Variants in PTPRD observed in about 807,000 individuals in gnomAD.
PTPRD encodes receptor-type tyrosine-protein phosphatase delta.
A neutral mutation model predicts 214.5 loss-of-function variants in PTPRD; 34 were observed. The observed-to-expected ratio is 0.16, with a 90% CI of 0.12 to 0.21. PTPRD has a LOEUF of 0.21. Ranked by LOEUF, PTPRD falls within the 10% of genes least tolerant of loss-of-function variation. The pLI is 1.00. For synonymous variants in PTPRD, 1,128 were observed against 845.7 expected (o/e 1.33, Z -5.79); for missense variants, 2,545 against 2,398.7 (o/e 1.06, Z -1.27).
chr9:10,036,838 T>C (rs2097192211), intron 3 of PTPRD, among the ~76,000 whole-genome samples: 1 of 151,958 alleles, frequency 6.6e-6, no homozygotes, highest in Non-Finnish European at 1.5e-5. Context: ...CGCCTCGGCC[T>C]CCCAAAGTGC....
intron 8 of PTPRD, among the ~76,000 whole-genome samples, chr9:9,552,103 C>T (rs986242663): frequency 2.6e-5 from 4 of 152,004 alleles, no homozygotes; most frequent in African/African-American, 4.8e-5. Flanking sequence ...AGTCAATATT[C>T]ATTTACTCCT....
In PTPRD at chr9:9,342,787, T is replaced by C. The variant is rs1049591509; in HGVS notation, c.-203+54662A>G. 2.0e-5 allele frequency among the ~76,000 whole-genome samples: 3 copies of C among 152,144 alleles called. No homozygotes were observed. The East Asian group carries it at 5.8e-4, about 29-fold the overall frequency. On this transcript the variant is annotated intron_variant, in intron 9 of 45. Coordinates refer to ENST00000381196, the MANE Select transcript of PTPRD (RefSeq NM_002839.4). Reference sequence around the variant, plus strand: ...CAGGTTTGATAAATAGGTATACACGTGCCATGGTGGTTTGCTGCACCCATC... The same window carrying C: ...CAGGTTTGATAAATAGGTATACACGCGCCATGGTGGTTTGCTGCACCCATC...
At chr9:9,984,900 C>A (rs542180547) in intron 4 of PTPRD, among the ~76,000 whole-genome samples, 1 of 152,044 alleles carries the variant, frequency 6.6e-6, no homozygotes, top group Non-Finnish European at 1.5e-5. Context: ...CATGCACACC[C>A]AAAAACCAAA....
rs2097496904 is a variant in PTPRD at position 8,504,541 on chromosome 9, A to G, written c.1678-136T>C. On this transcript the variant is annotated intron_variant, in intron 22 of 45. Transcript: ENST00000381196. Reference sequence around the variant, plus strand: ...AATATCACCAAAAGAGTCAATAGTGAGTATCCAGGGCTATACTAAGGAAAT... The same window carrying G: ...AATATCACCAAAAGAGTCAATAGTGGGTATCCAGGGCTATACTAAGGAAAT... The G allele has an allele frequency of 3.0e-6, 3 of 990,806 alleles. No homozygotes were observed. In the East Asian group the frequency reaches 7.3e-5, roughly 24 times the overall value. The allele number at this position is 990,806 out of a possible 1,614,324, so 61.4% of individuals were successfully genotyped here.
intron 2 of PTPRD, among the ~76,000 whole-genome samples, chr9:10,604,699 G>A (rs1236669466): frequency 6.6e-6 from 1 of 151,802 alleles, no homozygotes; most frequent in African/African-American, 2.4e-5. Flanking sequence ...CAGAGGAGTT[G>A]CCACTGGAAT....
intron 2 of PTPRD, among the ~76,000 whole-genome samples, chr9:10,364,312 C>T (rs2097468774): frequency 6.6e-6 from 1 of 151,904 alleles, no homozygotes; most frequent in Non-Finnish European, 1.5e-5. Flanking sequence ...ATTACCTCCA[C>T]GTTTTAGGTG....
intron 12 of PTPRD, among the ~76,000 whole-genome samples, chr9:8,676,272 T>C (rs1180382172): frequency 1.3e-5 from 2 of 152,126 alleles, no homozygotes; most frequent in Non-Finnish European, 2.9e-5. Flanking sequence ...CTGAATTCCC[T>C]TCTTACAACT....
intron 12 of PTPRD, among the ~76,000 whole-genome samples, chr9:8,706,982 G>A (rs537420753): frequency 6.6e-6 from 1 of 152,294 alleles, no homozygotes; most frequent in East Asian, 1.9e-4. Flanking sequence ...GGATCAAACA[G>A]AAAAGCACTG....
At chr9:8,547,613 A>G (rs2140486127) in intron 14 of PTPRD, among the ~76,000 whole-genome samples, 1 of 150,656 alleles carries the variant, frequency 6.6e-6, no homozygotes, top group East Asian at 2.0e-4. Flanking sequence ...ACCGCACTCC[A>G]GCCTGCGTGA....
intron 8 of PTPRD, among the ~76,000 whole-genome samples, chr9:9,429,008 G>A (rs2082070094): frequency 6.6e-6 from 1 of 152,146 alleles, no homozygotes; most frequent in South Asian, 2.1e-4. Flanking sequence ...AGAAGCAAGA[G>A]CAAACACATT....
chr9:9,085,491 T>C (rs1464915438), intron 10 of PTPRD, among the ~76,000 whole-genome samples: 1 of 152,126 alleles, frequency 6.6e-6, no homozygotes, highest in Non-Finnish European at 1.5e-5. Context: ...TAACAGCGCC[T>C]TATTATTTTT....
intron 39 of PTPRD, among the ~76,000 whole-genome samples, chr9:8,372,657 T>C (rs968311451): frequency 6.6e-6 from 1 of 152,012 alleles, no homozygotes; most frequent in African/African-American, 2.4e-5. Context: ...CTAGACCTTC[T>C]TTCTTTTAGA....
At chr9:10,318,233 T>C (rs938043383) in intron 3 of PTPRD, among the ~76,000 whole-genome samples, 2 of 151,976 alleles carry the variant, frequency 1.3e-5, no homozygotes, top group African/African-American at 4.8e-5. Flanking sequence ...AGTGGTACAA[T>C]AATAAAATAG....
chr9:8,576,567 T>C (rs145339159), intron 14 of PTPRD, among the ~76,000 whole-genome samples: 152 of 145,130 alleles, frequency 1.0e-3, no homozygotes, highest in African/African-American at 3.8e-3. Flanking sequence ...TGTGCATATA[T>C]ACACCCACAT....
At chr9:9,077,371 G>C (rs563276409) in intron 10 of PTPRD, among the ~76,000 whole-genome samples, 35 of 54,908 alleles carry the variant, frequency 6.4e-4, no homozygotes, top group African/African-American at 2.0e-3. Context: ...ATGAATTCAG[G>C]TGACTGAAAA....
intron 8 of PTPRD, among the ~76,000 whole-genome samples, chr9:9,499,766 T>A (rs1342373073): frequency 6.6e-6 from 1 of 152,096 alleles, no homozygotes; most frequent in Non-Finnish European, 1.5e-5. Flanking sequence ...TGCCCTCTAG[T>A]GTACAGAACT....
At chr9:8,698,180 A>C (rs1291380108) in intron 12 of PTPRD, among the ~76,000 whole-genome samples, 1 of 152,246 alleles carries the variant, frequency 6.6e-6, no homozygotes, top group Non-Finnish European at 1.5e-5. Flanking sequence ...AGATATTGTA[A>C]AATGCAGAGT....
intron 10 of PTPRD, among the ~76,000 whole-genome samples, chr9:9,050,110 G>A (rs569421942): frequency 1.1e-4 from 16 of 152,320 alleles, no homozygotes; most frequent in Middle Eastern, 3.4e-3. Flanking sequence ...ATTGCCGCAC[G>A]AAACCTCTGT....
intron 11 of PTPRD, among the ~76,000 whole-genome samples, chr9:8,741,212 GAA>G (rs142984930): frequency 6.7e-6 from 1 of 150,102 alleles, no homozygotes; most frequent in Non-Finnish European, 1.5e-5. Flanking sequence ...AGATAGAAAG[GAA>G]AAAAAAACCT....
Sources: allele counts gnomAD v4.1 joint callset (sites outside exome capture counted in the v4.1 genomes callset), GRCh38; gene constraint gnomAD v4.1.1; transcripts MANE v1.5; gene names NCBI Gene and HGNC (gene_info 2026-07-23, HGNC 2026-07-21).